The following ATR variants were observed in gnomAD, a reference collection of about 807,000 sequenced individuals.
The protein encoded by ATR is serine/threonine-protein kinase ATR.
A neutral mutation model predicts 305.3 loss-of-function variants in ATR; 142 were observed. The observed-to-expected ratio is 0.47, with a 90% confidence interval of 0.41 to 0.53. The LOEUF is 0.53. Among genes scored for constraint, ATR ranks in the 20% least tolerant of loss-of-function variants. The pLI, the probability that ATR is intolerant of heterozygous loss-of-function variation, is 0.00. For missense variants in ATR, 2,135 were observed against 3,133.1 expected (o/e 0.68, Z 7.60); for synonymous variants, 1,050 against 1,068.1 (o/e 0.98, Z 0.33).
In ATR at chr3:142,556,389, A is replaced by C; in HGVS notation, c.2072T>G (p.Ile691Ser). ...TTAAAATCTTAGTACATACATAAGA[A>C]TCTTGGGAACTCTGTTACAAGAATT... Reference protein sequence around the residue: ...QQNSCNRVPKILIDKVKDDSD... With the variant: ...QQNSCNRVPKSLIDKVKDDSD... The change falls in exon 9 of 47, where the codon ATT becomes AGT. Residue 691 changes from isoleucine to serine, a missense_variant. Coordinates refer to ENST00000350721, the MANE Select transcript of ATR (RefSeq NM_001184.4). 1 of 1,613,118 alleles carries C rather than the reference A, an allele frequency of 6.2e-7. No individual in the cohort carries two copies. Among genetic ancestry groups the C allele is most frequent in the Non-Finnish European group, 8.5e-7 (1 of 1,179,012 alleles).
In ATR at chr3:142,542,098, T is replaced by C. The variant is rs564240158; in HGVS notation, c.3450+567A>G. Among the ~76,000 whole-genome samples the C allele has an allele frequency of 3.7e-4, 56 of 152,276 alleles. 1 individual carries two copies. The South Asian group carries it at 0.012, about 32-fold the overall frequency. ...ATGAAACTTCACTGTGGCACAAGCA[T>C]TTAAACATAAAGTTGCTTTACATTA... On this transcript the variant is annotated intron_variant, in intron 17 of 46. Coordinates refer to ENST00000350721, the MANE Select transcript of ATR (RefSeq NM_001184.4).
At chr3:142,558,036 AGATAAT>A (rs1341853376) in intron 8 of ATR, among the ~76,000 whole-genome samples, 10 of 152,226 alleles carry the variant, frequency 6.6e-5, no homozygotes, top group Admixed American at 2.6e-4. Context: ...TATTAAATGA[AGATAAT>A]GATATGTAAG....
At chr3:142,517,534 T>C (rs973169969) in intron 24 of ATR, among the ~76,000 whole-genome samples, 1 of 152,148 alleles carries the variant, frequency 6.6e-6, no homozygotes, top group African/African-American at 2.4e-5. Flanking sequence ...ATCAACGCTA[T>C]TGAAAACGCA....
At chr3:142,565,033 C>A (rs1166321120) in intron 3 of ATR, among the ~76,000 whole-genome samples, 1 of 152,156 alleles carries the variant, frequency 6.6e-6, no homozygotes, top group Non-Finnish European at 1.5e-5. Context: ...AGGCGTGAGA[C>A]ATCGTGCCCA....
At chr3:142,552,952 T>A (rs1337248052) in intron 13 of ATR, among the ~76,000 whole-genome samples, 2 of 143,286 alleles carry the variant, frequency 1.4e-5, no homozygotes, top group African/African-American at 5.2e-5. Context: ...CACTGGGGCC[T>A]GTAAGGGGGG....
intron 35 of ATR, 28 bp from the exon 36 acceptor site, chr3:142,485,310 C>G (rs1468765147): frequency 6.2e-7 from 1 of 1,613,130 alleles, no homozygotes. Flanking sequence ...GGATACCTAC[C>G]TAAGGAAATC....
At chr3:142,502,104 G>T (rs1340487276) in intron 30 of ATR, among the ~76,000 whole-genome samples, 1 of 152,160 alleles carries the variant, frequency 6.6e-6, no homozygotes, top group African/African-American at 2.4e-5. Context: ...AGAGAAAAGA[G>T]AATACTTATA....
At chr3:142,555,240 GAAAAAAAA>G (rs113798451) in intron 10 of ATR, among the ~76,000 whole-genome samples, 1 of 62,072 alleles carries the variant, frequency 1.6e-5, no homozygotes, top group Non-Finnish European at 4.3e-5. Context: ...CCGTCTCGGG[GAAAAAAAA>G]AAAAAGAAAA....
chr3:142,466,254 C>G (rs764208501), intron 40 of ATR, 70 bp downstream of exon 40: 3 of 1,473,242 alleles, frequency 2.0e-6, no homozygotes, highest in Non-Finnish European at 2.8e-6. Context: ...GTGAAATACA[C>G]TTTTTATCTT....
chr3:142,456,765 A>C (rs544988606), intron 45 of ATR, among the ~76,000 whole-genome samples: 3 of 152,328 alleles, frequency 2.0e-5, no homozygotes, highest in African/African-American at 7.2e-5. Flanking sequence ...GCTAAAATAA[A>C]AAAGGCAGAC....
intron 32 of ATR, 137 bp from the exon 33 acceptor site, chr3:142,497,329 T>A: frequency 1.2e-6 from 1 of 839,066 alleles, no homozygotes. Context: ...AATATATCCT[T>A]GCTAAGTAAA....
intron 46 of ATR, chr3:142,451,072 G>A: frequency 7.8e-7 from 1 of 1,281,340 alleles, no homozygotes; most frequent in Non-Finnish European, 1.0e-6. Flanking sequence ...AAAATGGCCT[G>A]GCTGGTTTGT....
At chr3:142,499,487 G>A (rs2031835256) in intron 31 of ATR, 140 bp downstream of exon 31, 2 of 714,814 alleles carry the variant, frequency 2.8e-6, no homozygotes, top group South Asian at 1.4e-5. Context: ...GTAGAGACGG[G>A]GTTTCACTGT....
intron 21 of ATR, among the ~76,000 whole-genome samples, chr3:142,534,499 T>C (rs2033780237): frequency 6.6e-6 from 1 of 152,198 alleles, no homozygotes; most frequent in Non-Finnish European, 1.5e-5. Context: ...TATCTTACCA[T>C]ATGGGTTCTA....
chr3:142,476,635 T>G (rs2071460777), intron 36 of ATR, among the ~76,000 whole-genome samples: 1 of 152,150 alleles, frequency 6.6e-6, no homozygotes, highest in African/African-American at 2.4e-5. Context: ...GTGAAGAAAG[T>G]CATTGGTAGC....
In ATR at chr3:142,556,152, A is replaced by T. The variant is rs372381389; in HGVS notation, c.2079-13T>A. ...TTTGACTTTATCTCTGGGGAAAAAA[A>T]AGAAAAAGTACTAAACTTTCTTGCC... On this transcript the variant is annotated splice_polypyrimidine_tract_variant and intron_variant, in intron 9 of 46. Coordinates refer to ENST00000350721, the MANE Select transcript of ATR (RefSeq NM_001184.4). 5.1e-4 allele frequency: 828 copies of T among 1,612,168 alleles called. No individual in the cohort carries two copies. The highest frequency in any genetic ancestry group is 6.8e-4 in the Non-Finnish European group (803 of 1,179,444).
chr3:142,572,012 C>T (rs930524946), intron 1 of ATR, among the ~76,000 whole-genome samples: 1 of 151,508 alleles, frequency 6.6e-6, no homozygotes, highest in Non-Finnish European at 1.5e-5. Flanking sequence ...GTAATCCGCC[C>T]GCCTCAGCCT....
At chr3:142,454,437 C>CTTTTT (rs760823609) in intron 45 of ATR, among the ~76,000 whole-genome samples, 21 of 101,464 alleles carry the variant, frequency 2.1e-4, no homozygotes, top group South Asian at 3.2e-4. Context: ...TGATAGACAG[C>CTTTTT]TTTTTTTTTT....
rs937912497 is a variant in ATR, at chr3:142,479,773, G to A, written c.6221+5367C>T. On this transcript the variant is annotated intron_variant, in intron 36 of 46. Coordinates refer to ENST00000350721, the MANE Select transcript of ATR (RefSeq NM_001184.4). ...TCACATAGTCCCATATTTCTTGGAGGCTTTGTTCGTTTCTTTTTATTCTTT... is the reference window on the plus strand; with the variant it reads ...TCACATAGTCCCATATTTCTTGGAGACTTTGTTCGTTTCTTTTTATTCTTT... 4.6e-5 allele frequency among the ~76,000 whole-genome samples: 7 copies of A among 152,242 alleles called. 1 individual carries two copies. In the South Asian group the frequency reaches 1.5e-3, roughly 32 times the overall value.
Sources: gnomAD v4.1 joint callset for allele counts (sites outside exome capture counted in the v4.1 genomes callset) on GRCh38, gnomAD v4.1.1 for gene constraint, MANE v1.5 for transcripts, NCBI Gene and HGNC (gene_info 2026-07-23, HGNC 2026-07-21) for gene names.